The following UNC13C variants were observed in gnomAD, a reference collection of about 807,000 sequenced individuals.
UNC13C encodes the protein unc-13 homolog C.
Under a neutral mutation model 245.4 loss-of-function variants are expected in UNC13C, and 174 were observed. The observed-to-expected ratio is 0.71, with a 90% CI of 0.63 to 0.80. UNC13C has a LOEUF of 0.80. Ranked by LOEUF, UNC13C falls within the 30% of genes least tolerant of loss-of-function variation. The probability of loss-of-function intolerance (pLI) is 0.00; values close to 1 mark genes in which losing one functional copy is unlikely to be tolerated. For missense variants in UNC13C, 2,829 were observed against 2,602.9 expected (o/e 1.09, Z -1.89); for synonymous variants, 992 against 895.1 (o/e 1.11, Z -1.93).
the UNC13C span, among the ~76,000 whole-genome samples, chr15:53,844,179 A>C: frequency 6.6e-6 from 1 of 152,234 alleles, no homozygotes; most frequent in African/African-American, 2.4e-5. Flanking sequence ...AGTGTGTGTC[A>C]CTGTAGATAA....
chr15:54,501,925 T>C (rs964937798), intron 22 of UNC13C, among the ~76,000 whole-genome samples: 1 of 152,154 alleles, frequency 6.6e-6, no homozygotes, highest in African/African-American at 2.4e-5. Flanking sequence ...AGAGTGAAGA[T>C]ACCCCAGATC....
intron 2 of UNC13C, among the ~76,000 whole-genome samples, chr15:54,072,880 CTTCT>C (rs1437583124): frequency 7.2e-5 from 8 of 110,760 alleles, no homozygotes; most frequent in East Asian, 2.6e-4. Flanking sequence ...CTTTCTTCTT[CTTCT>C]TTTTTTTTAA....
intron 4 of UNC13C, among the ~76,000 whole-genome samples, chr15:54,171,979 G>A (rs549359347): frequency 3.3e-5 from 5 of 152,092 alleles, no homozygotes; most frequent in South Asian, 2.1e-4. Flanking sequence ...AGTGGAGGTC[G>A]TTATGGTAAA....
rs55925649 is a variant in UNC13C at position 54,175,508 on chromosome 15, ATTTT to A, written c.3071+31843_3071+31846del. Reference sequence around the variant, plus strand: ...AAAACACTGTTGTTGTGGCCCTAGAATTTTTTTTTTTTTTTTTTTTTTGAGACGG... The same window carrying A: ...AAAACACTGTTGTTGTGGCCCTAGAATTTTTTTTTTTTTTTTTTGAGACGG... On this transcript the variant is annotated intron_variant, in intron 4 of 32. Coordinates refer to ENST00000260323, the MANE Select transcript of UNC13C (RefSeq NM_001080534.3). Among the ~76,000 whole-genome samples, 12 of 105,986 alleles carry A rather than the reference ATTTT, an allele frequency of 1.1e-4. No individual in the cohort carries two copies. In the East Asian group the frequency reaches 1.2e-3, roughly 11 times the overall value. The allele number at this position is 105,986 out of a possible 152,430, so 69.5% of individuals were successfully genotyped here. A position where few individuals can be genotyped will look rare whatever the true frequency, so the allele number is the denominator to read the frequency against.
Position 54,297,519 on chromosome 15 carries a change from A to AG in UNC13C, c.3989-292_3989-291insG, listed in dbSNP as rs200415952. ...AGGCAAGCACCAACACACCTGCCTA[A>AG]TTAAAAAAAAAAAATGTAGAGACTA... On this transcript the variant is annotated intron_variant, in intron 11 of 32. Transcript: ENST00000260323. 1.9e-4 allele frequency among the ~76,000 whole-genome samples: 27 copies of AG among 145,354 alleles called. 2 individuals are homozygous for AG. The South Asian group carries it at 5.4e-3, about 29-fold the overall frequency.
chr15:54,464,665 G>T (rs1481958969), intron 19 of UNC13C, among the ~76,000 whole-genome samples: 2 of 152,074 alleles, frequency 1.3e-5, no homozygotes, highest in Non-Finnish European at 2.9e-5. Flanking sequence ...TTAGAAGGAA[G>T]AACCTTAGAT....
At chr15:54,002,221 G>A (rs1429277419) in intron 1 of UNC13C, among the ~76,000 whole-genome samples, 1 of 152,148 alleles carries the variant, frequency 6.6e-6, no homozygotes, top group Non-Finnish European at 1.5e-5. Context: ...GGGAGGCGGA[G>A]CTTGCAGTGA....
In UNC13C at chr15:54,015,468, G is replaced by A. The variant is rs1210392506; in HGVS notation, c.2565G>A (p.Glu855=). Reference sequence around the variant, plus strand: ...CACTTGACTCTGATGTCTACACGGAGCCCTATTACTATAAAGCAGAGGATG... The same window carrying A: ...CACTTGACTCTGATGTCTACACGGAACCCTATTACTATAAAGCAGAGGATG... ...STTLDSDVYT[E]PYYYKAEDEE... is the part of the protein sequence containing the mutation. Residue 855 remains glutamate, a synonymous_variant, in exon 2 of 33, where the codon GAG becomes GAA. Coordinates refer to ENST00000260323, the MANE Select transcript of UNC13C (RefSeq NM_001080534.3). 2 of 1,613,426 alleles carry A rather than the reference G, an allele frequency of 1.2e-6. No individual in the cohort carries two copies. The highest frequency in any genetic ancestry group is 8.5e-7 in the Non-Finnish European group (1 of 1,179,668).
At chr15:54,449,877 C>T (rs935731133) in intron 19 of UNC13C, among the ~76,000 whole-genome samples, 2 of 152,162 alleles carry the variant, frequency 1.3e-5, no homozygotes, top group Non-Finnish European at 2.9e-5. Flanking sequence ...AGTTTTTCTG[C>T]TCTGTTTTTT....
the UNC13C span, among the ~76,000 whole-genome samples, chr15:53,871,473 C>T: frequency 1.3e-5 from 2 of 152,200 alleles, no homozygotes; most frequent in Non-Finnish European, 2.9e-5. Context: ...TCATTTATAT[C>T]AGATATCACC....
At chr15:54,184,566 C>T (rs951708593) in intron 4 of UNC13C, among the ~76,000 whole-genome samples, 2 of 152,168 alleles carry the variant, frequency 1.3e-5, no homozygotes, top group Non-Finnish European at 2.9e-5. Flanking sequence ...TGGTTTCCAG[C>T]TTCATCCATG....
chr15:53,916,914 G>T, the UNC13C span, among the ~76,000 whole-genome samples: 1 of 152,156 alleles, frequency 6.6e-6, no homozygotes, highest in Non-Finnish European at 1.5e-5. Flanking sequence ...TTGGGTTTTT[G>T]AGGCAGGTCG....
intron 1 of UNC13C, among the ~76,000 whole-genome samples, chr15:54,004,065 A>G (rs1895027698): frequency 6.6e-6 from 1 of 152,126 alleles, no homozygotes; most frequent in South Asian, 2.1e-4. Flanking sequence ...ACTCTTACAG[A>G]CTATAGTCGC....
intron 4 of UNC13C, among the ~76,000 whole-genome samples, chr15:54,219,848 C>T (rs1296738929): frequency 6.6e-5 from 10 of 151,604 alleles, no homozygotes; most frequent in Admixed American, 3.3e-4. Context: ...TGAAAAAATG[C>T]TCATCATCAC....
intron 1 of UNC13C, among the ~76,000 whole-genome samples, chr15:53,988,559 T>C (rs990115615): frequency 6.6e-6 from 1 of 151,824 alleles, no homozygotes; most frequent in Non-Finnish European, 1.5e-5. Flanking sequence ...GAAATATGAA[T>C]ACAGAATTAT....
intron 7 of UNC13C, among the ~76,000 whole-genome samples, chr15:54,247,598 A>G (rs1295376044): frequency 3.9e-5 from 6 of 152,164 alleles, no homozygotes; most frequent in African/African-American, 1.4e-4. Flanking sequence ...AAAAGGACTC[A>G]TCATTTCCCT....
At chr15:54,112,577 C>T (rs1042195359) in intron 2 of UNC13C, among the ~76,000 whole-genome samples, 1 of 152,126 alleles carries the variant, frequency 6.6e-6, no homozygotes, top group Non-Finnish European at 1.5e-5. Flanking sequence ...TATGTCTAGC[C>T]CCCAGGTAGT....
chr15:54,128,040 C>G (rs1285617373), intron 2 of UNC13C, among the ~76,000 whole-genome samples: 1 of 151,932 alleles, frequency 6.6e-6, no homozygotes, highest in African/African-American at 2.4e-5. Context: ...CCAAAAGACT[C>G]CTGGCACTGA....
chr15:53,844,155 G>A, the UNC13C span, among the ~76,000 whole-genome samples: 2 of 152,144 alleles, frequency 1.3e-5, no homozygotes, highest in East Asian at 3.9e-4. Context: ...TGAAATCAGA[G>A]AAAAGAAGGA....
Sources: gnomAD v4.1 joint callset for allele counts (sites outside exome capture counted in the v4.1 genomes callset) on GRCh38, gnomAD v4.1.1 for gene constraint, MANE v1.5 for transcripts, NCBI Gene and HGNC (gene_info 2026-07-23, HGNC 2026-07-21) for gene names.